Variants in A2M observed in about 807,000 individuals in gnomAD.
A2M encodes the protein C3 and PZP-like alpha-2-macroglobulin domain-containing protein 5.
A2M carries 128 observed loss-of-function variants against 183.9 expected under a neutral mutation model. The ratio of observed to expected loss-of-function variants is 0.70; its 90% CI spans 0.60 to 0.81. The LOEUF is 0.81. Ranked by LOEUF, A2M falls within the 30% of genes least tolerant of loss-of-function variation. The probability of loss-of-function intolerance (pLI) is 0.00; values close to 1 mark genes in which losing one functional copy is unlikely to be tolerated. For missense variants in A2M, 1,495 were observed against 1,787.6 expected, an observed-to-expected ratio of 0.84 and a Z score of 2.95; for synonymous variants, 592 against 670.8, an observed-to-expected ratio of 0.88 and a Z score of 1.81.
At chr12:9,098,814 A>G (rs762880591) in intron 14 of A2M, 58 bp from the exon 15 acceptor site, 148 of 1,577,684 alleles carry the variant, frequency 9.4e-5, no homozygotes, top group Non-Finnish European at 1.2e-4. Context: ...CCATGCATTC[A>G]CTCGCATTTG....
At chr12:9,108,045 C>T (rs1470297623) in intron 7 of A2M, among the ~76,000 whole-genome samples, 3 of 152,154 alleles carry the variant, frequency 2.0e-5, no homozygotes, top group African/African-American at 7.2e-5. Flanking sequence ...GATAGTGTCT[C>T]TTCTTCCATC....
intron 22 of A2M, among the ~76,000 whole-genome samples, chr12:9,087,968 AGG>A (rs1323462071): frequency 2.6e-5 from 4 of 152,162 alleles, no homozygotes; most frequent in Non-Finnish European, 4.4e-5. Context: ...AAACCAATAT[AGG>A]AAGACTAAAA....
In A2M at chr12:9,071,208, AC is replaced by A. The variant is rs374284512; in HGVS notation, c.4104-631del. Among the ~76,000 whole-genome samples the A allele has an allele frequency of 5.1e-3, 782 of 152,172 alleles. 6 individuals carry two copies. The highest frequency in any genetic ancestry group is 0.018 in the African/African-American group (744 of 41,538). On this transcript the variant is annotated intron_variant, in intron 31 of 35. Coordinates refer to ENST00000318602, the MANE Select transcript of A2M (RefSeq NM_000014.6). Reference sequence around the variant, plus strand: ...TGCCAGTTATTTTATTTATTTGTTTACTTTTATTTTCTTTCAGCTGACAAAA... The same window carrying A: ...TGCCAGTTATTTTATTTATTTGTTTATTTTATTTTCTTTCAGCTGACAAAA...
chr12:9,077,970 T>TA lies in A2M; in HGVS notation c.3120-114dup, dbSNP rs1726132734. 3.2e-6 allele frequency: 4 copies of TA among 1,238,044 alleles called. No individual in the cohort carries two copies. The Admixed American group carries it at 6.1e-5, about 19-fold the overall frequency. 76.7% of individuals were successfully genotyped at this position (1,238,044 alleles called of 1,614,324 possible). A position where few individuals can be genotyped will look rare whatever the true frequency, so the allele number is the denominator to read the frequency against. On this transcript the variant is annotated intron_variant, in intron 25 of 35. Coordinates refer to ENST00000318602, the MANE Select transcript of A2M (RefSeq NM_000014.6). ...TTAGCTAACAAAATTCTTGTGTACTTAGAGAGCTTATCTCCTTGATTAATC... is the reference window on the plus strand; with the variant it reads ...TTAGCTAACAAAATTCTTGTGTACTTAAGAGAGCTTATCTCCTTGATTAATC...
chr12:9,080,019 TA>T, intron 23 of A2M, 74 bp downstream of exon 23: 1 of 1,050,660 alleles, frequency 9.5e-7, no homozygotes, highest in Non-Finnish European at 1.3e-6. Flanking sequence ...TTATTTTTAG[TA>T]AATATTTATG....
chr12:9,072,908 A>G (rs781626430), intron 29 of A2M, 37 bp from the exon 30 acceptor site: 3 of 1,563,576 alleles, frequency 1.9e-6, no homozygotes, highest in East Asian at 4.5e-5. Flanking sequence ...CCCATTGGGC[A>G]TTATAAGGCT....
At chr12:9,069,714 T>G in intron 33 of A2M, 31 bp downstream of exon 33, 1 of 1,582,400 alleles carries the variant, frequency 6.3e-7, no homozygotes, top group East Asian at 2.2e-5. Flanking sequence ...TTATCTACGT[T>G]TTTTTGCAAA....
chr12:9,082,100 A>AT (rs1948924681), intron 22 of A2M, among the ~76,000 whole-genome samples: 1 of 152,294 alleles, frequency 6.6e-6, no homozygotes, highest in East Asian at 1.9e-4. Context: ...TAGGGGTTAA[A>AT]TATGCTTGAC....
At chr12:9,100,127 C>T (rs1937711370) in intron 13 of A2M, among the ~76,000 whole-genome samples, 3 of 152,130 alleles carry the variant, frequency 2.0e-5, no homozygotes, top group Admixed American at 1.3e-4. Flanking sequence ...TATATTATGA[C>T]ATATTTGCTC....
At chr12:9,070,004 A>C (rs901375063) in intron 32 of A2M, among the ~76,000 whole-genome samples, 191 bp from the exon 33 acceptor site, 19 of 152,246 alleles carry the variant, frequency 1.2e-4, no homozygotes, top group Non-Finnish European at 2.4e-4. Context: ...ATAACACACG[A>C]CTAATGTGTA....
rs1948856272 is a variant in A2M at position 9,079,815 on chromosome 12, C to T, written c.2855G>A (p.Gly952Glu). The T allele has an allele frequency of 6.3e-7, 1 of 1,592,670 alleles. No individual in the cohort carries two copies. Among genetic ancestry groups the T allele is most frequent in the Non-Finnish European group, 8.5e-7 (1 of 1,170,244 alleles). ...TTGCATGGCAGAGCCTAATATGTCT[C>T]CTAGAGAATGGGAGAGATGGGAAGT... ...ESARASVSVLGDILGSAMQNT... is the reference protein window; with the variant it reads ...ESARASVSVLEDILGSAMQNT... The change falls in exon 24 of 36, where the codon GGA becomes GAA. Residue 952 changes from glycine to glutamate, a missense_variant and splice_region_variant. Transcript: ENST00000318602.
At position 9,101,450 on chromosome 12, in the gene A2M, A is replaced by G; in HGVS notation, c.1491T>C (p.Tyr497=). ...ACGCAGTAACCTCCCTTCTCACCAGATAATAGAAGGAGAGCTTCTTCAGCC... is the reference window on the plus strand; with the variant it reads ...ACGCAGTAACCTCCCTTCTCACCAGGTAATAGAAGGAGAGCTTCTTCAGCC... The part of the protein sequence containing the change: ...LLGLKKLSFY[Y]LIMAKGGIVR... The change falls in exon 12 of 36, where the codon TAT becomes TAC. Residue 497 remains tyrosine, a synonymous_variant. Coordinates refer to ENST00000318602, the MANE Select transcript of A2M (RefSeq NM_000014.6). 6.2e-7 allele frequency: 1 copy of G among 1,611,240 alleles called. No individual in the cohort carries two copies. Among genetic ancestry groups the G allele is most frequent in the Non-Finnish European group, 8.5e-7 (1 of 1,177,718 alleles).
At chr12:9,087,887 T>C (rs1033692706) in intron 22 of A2M, among the ~76,000 whole-genome samples, 1 of 152,118 alleles carries the variant, frequency 6.6e-6, no homozygotes, top group Non-Finnish European at 1.5e-5. Flanking sequence ...TAGCTGTACT[T>C]GCATATGTTC....
chr12:9,098,974 A>C (rs1949471129), intron 14 of A2M, among the ~76,000 whole-genome samples: 1 of 152,216 alleles, frequency 6.6e-6, no homozygotes, highest in Non-Finnish European at 1.5e-5. Flanking sequence ...AATTATTCTT[A>C]TAAATTACTA....
At position 9,074,631 on chromosome 12, in the gene A2M, T is replaced by C; in HGVS notation, c.3685A>G (p.Thr1229Ala). The C allele has an allele frequency of 6.2e-7, 1 of 1,613,886 alleles. No individual in the cohort carries two copies. The highest frequency in any genetic ancestry group is 8.5e-7 in the Non-Finnish European group (1 of 1,179,956). ...CACTTCACGATGTTGGTTGCAGAGG[T>C]CAGGTCCTCCGAGGTTGGGGCTGGC... ...AQPAPTSEDL[T>A]SATNIVKWIT... is the part of the protein sequence containing the mutation. Residue 1229 changes from threonine (T) to alanine (A), a missense_variant, in exon 29 of 36, where the codon ACC becomes GCC. Thr to Ala is a moderately conservative substitution (Grantham distance 58, BLOSUM62 0). Transcript: ENST00000318602.
chr12:9,111,549 T>C (rs777800066), intron 4 of A2M: 2 of 456,278 alleles, frequency 4.4e-6, no homozygotes, highest in Non-Finnish European at 8.8e-6. Flanking sequence ...GATTTTCCAG[T>C]GAAGTGGATG....
chr12:9,114,683 A>G (rs1432044817), intron 1 of A2M, among the ~76,000 whole-genome samples: 2 of 151,712 alleles, frequency 1.3e-5, no homozygotes, highest in African/African-American at 4.8e-5. Context: ...CTATACATAT[A>G]CGTATGTATA....
intron 13 of A2M, 132 bp from the exon 14 acceptor site, chr12:9,099,655 A>C (rs969988383): frequency 2.7e-6 from 3 of 1,112,522 alleles, no homozygotes; most frequent in Non-Finnish European, 2.5e-6. Context: ...CTTTAGAAAA[A>C]AACCCTATCA....
At position 9,093,448 on chromosome 12, in the gene A2M, T is replaced by C. The variant is rs775718790; in HGVS notation, c.2240+17A>G. ...GACCTCTATTGTTGCATATTGCATA[T>C]GCAGGAAGTTACTTACTTTACCACC... On this transcript the variant is annotated intron_variant, in intron 18 of 35. Transcript: ENST00000318602. 62 of 1,566,382 alleles carry C rather than the reference T, an allele frequency of 4.0e-5. No individual in the cohort carries two copies. The highest frequency in any genetic ancestry group is 5.1e-5 in the Non-Finnish European group (58 of 1,136,886).
Sources: allele counts gnomAD v4.1 joint callset (sites outside exome capture counted in the v4.1 genomes callset), GRCh38; gene constraint gnomAD v4.1.1; transcripts MANE v1.5; gene names NCBI Gene and HGNC (gene_info 2026-07-23, HGNC 2026-07-21).